Variants in AHCYL2 observed in about 807,000 individuals in gnomAD.
The protein encoded by AHCYL2 is S-adenosylhomocysteine hydrolase-like protein 2.
Under a neutral mutation model 81.4 loss-of-function variants are expected in AHCYL2, and 28 were observed. The ratio of observed to expected loss-of-function variants is 0.34; its 90% CI spans 0.25 to 0.47. AHCYL2 has a LOEUF of 0.47. Ranked by LOEUF, AHCYL2 falls within the 20% of genes least tolerant of loss-of-function variation. AHCYL2 has a pLI of 1.00. For synonymous variants in AHCYL2, 272 were observed against 290.2 expected (o/e 0.94, Z 0.64); for missense variants, 551 against 785.1 (o/e 0.70, Z 3.56).
chr7:129,349,700 A>G (rs184870385), intron 1 of AHCYL2, among the ~76,000 whole-genome samples: 141 of 151,844 alleles, frequency 9.3e-4, no homozygotes, highest in African/African-American at 3.0e-3. Flanking sequence ...TCCATATAGA[A>G]CAGCCATGGT....
chr7:129,247,326 G>T (rs1440503764), intron 1 of AHCYL2, among the ~76,000 whole-genome samples: 3 of 152,210 alleles, frequency 2.0e-5, no homozygotes, highest in African/African-American at 7.2e-5. Flanking sequence ...CATGACTAAT[G>T]ATGTTGAGCA....
chr7:129,347,172 C>T (rs764898432), intron 1 of AHCYL2, among the ~76,000 whole-genome samples: 2 of 151,916 alleles, frequency 1.3e-5, no homozygotes, highest in African/African-American at 2.4e-5. Flanking sequence ...TTTTTAGGGC[C>T]GTGAAATCAT....
In AHCYL2 at chr7:129,362,604, T is replaced by G. The variant is rs933742618; in HGVS notation, c.364-17034T>G. Reference sequence around the variant, plus strand: ...ATAGTTATTGGTTTTCTTGTTTTTTTTTTTTTTTTTTTTTTTTTTTATGGT... The same window carrying G: ...ATAGTTATTGGTTTTCTTGTTTTTTGTTTTTTTTTTTTTTTTTTTTATGGT... On this transcript the variant is annotated intron_variant, in intron 1 of 16. Coordinates refer to ENST00000325006, the MANE Select transcript of AHCYL2 (RefSeq NM_015328.4). Among the ~76,000 whole-genome samples, 122 of 143,690 alleles carry G rather than the reference T, an allele frequency of 8.5e-4. 1 individual carries two copies. The highest frequency in any genetic ancestry group is 2.7e-3 in the African/African-American group (105 of 39,052). 94.3% of individuals were successfully genotyped at this position (143,690 alleles called of 152,430 possible). A position where few individuals can be genotyped will look rare whatever the true frequency, so the allele number is the denominator to read the frequency against.
chr7:129,263,589 G>A (rs556292504), intron 1 of AHCYL2, among the ~76,000 whole-genome samples: 2 of 152,208 alleles, frequency 1.3e-5, no homozygotes, highest in Non-Finnish European at 2.9e-5. Context: ...GCAGAGAAAC[G>A]AGAGACAAGA....
intron 1 of AHCYL2, among the ~76,000 whole-genome samples, chr7:129,305,714 T>C (rs1339886035): frequency 6.6e-6 from 1 of 152,252 alleles, no homozygotes; most frequent in Non-Finnish European, 1.5e-5. Context: ...TGATTTCTTA[T>C]TGATCATTAG....
chr7:129,422,806 A>G (rs1161349685), intron 12 of AHCYL2, 34 bp from the exon 13 acceptor site: 1 of 1,594,206 alleles, frequency 6.3e-7, no homozygotes, highest in Non-Finnish European at 8.6e-7. Context: ...GGGGCTTGCT[A>G]TGGCTAATGC....
At chr7:129,370,496 A>C (rs1357134684) in intron 1 of AHCYL2, among the ~76,000 whole-genome samples, 23 of 152,326 alleles carry the variant, frequency 1.5e-4, no homozygotes, top group South Asian at 6.2e-4. Context: ...CAGGAGATCA[A>C]GATCATCCTG....
At chr7:129,423,027 C>G (rs1402906903) in intron 13 of AHCYL2, 89 bp downstream of exon 13, 1 of 1,052,012 alleles carries the variant, frequency 9.5e-7, no homozygotes, top group Admixed American at 2.2e-5. Context: ...CGAATACTTT[C>G]AACTCCTCTG....
At chr7:129,345,561 TGAA>T (rs1427771437) in intron 1 of AHCYL2, among the ~76,000 whole-genome samples, 1 of 152,144 alleles carries the variant, frequency 6.6e-6, no homozygotes, top group Non-Finnish European at 1.5e-5. Context: ...GCAAAAATAA[TGAA>T]GAGAGTGAAG....
intron 1 of AHCYL2, among the ~76,000 whole-genome samples, chr7:129,269,304 G>C (rs1448531678): frequency 6.9e-6 from 1 of 145,314 alleles, no homozygotes; most frequent in South Asian, 2.2e-4. Context: ...TTTTTTTTTT[G>C]AGACAGAGTC....
At chr7:129,273,452 C>T (rs1056314659) in intron 1 of AHCYL2, among the ~76,000 whole-genome samples, 1 of 150,400 alleles carries the variant, frequency 6.6e-6, no homozygotes, top group Non-Finnish European at 1.5e-5. Flanking sequence ...CCTCAACCTC[C>T]CTAGTATCTG....
chr7:129,331,151 T>A (rs1363947712), intron 1 of AHCYL2, among the ~76,000 whole-genome samples: 1 of 152,212 alleles, frequency 6.6e-6, no homozygotes, highest in Non-Finnish European at 1.5e-5. Context: ...ATTAAAAGAT[T>A]TGCATATTTT....
At chr7:129,255,526 T>C (rs1795385112) in intron 1 of AHCYL2, among the ~76,000 whole-genome samples, 1 of 152,218 alleles carries the variant, frequency 6.6e-6, no homozygotes, top group African/African-American at 2.4e-5. Context: ...TAATTAAAAA[T>C]AAATTTTGAA....
intron 1 of AHCYL2, among the ~76,000 whole-genome samples, chr7:129,355,095 C>T (rs1793692760): frequency 6.6e-6 from 1 of 152,162 alleles, no homozygotes; most frequent in Non-Finnish European, 1.5e-5. Flanking sequence ...GGAATACAAA[C>T]CTTCAAGAAG....
At chr7:129,233,693 C>T (rs777424357) in intron 1 of AHCYL2, among the ~76,000 whole-genome samples, 32 of 152,090 alleles carry the variant, frequency 2.1e-4, no homozygotes, top group East Asian at 5.8e-4. Context: ...TCACCGTGTT[C>T]GCCAGAATGG....
intron 1 of AHCYL2, among the ~76,000 whole-genome samples, chr7:129,228,100 T>C (rs1794292094): frequency 6.6e-6 from 1 of 152,232 alleles, no homozygotes; most frequent in Non-Finnish European, 1.5e-5. Flanking sequence ...ACTTTGACCT[T>C]GACTCCTTAC....
chr7:129,320,341 TAG>T (rs1229553823), intron 1 of AHCYL2, among the ~76,000 whole-genome samples: 2 of 152,164 alleles, frequency 1.3e-5, no homozygotes, highest in African/African-American at 2.4e-5. Context: ...TTGTTTGAGA[TAG>T]AGTCTTCTTC....
intron 1 of AHCYL2, among the ~76,000 whole-genome samples, chr7:129,231,596 A>T (rs562651303): frequency 6.6e-6 from 1 of 152,212 alleles, no homozygotes; most frequent in East Asian, 1.9e-4. Flanking sequence ...GCCCTGATCC[A>T]CTGCCCTGCT....
In AHCYL2 at chr7:129,300,278, C is replaced by A. The variant is rs184572734; in HGVS notation, c.363+74839C>A. On this transcript the variant is annotated intron_variant, in intron 1 of 16. Coordinates refer to ENST00000325006, the MANE Select transcript of AHCYL2 (RefSeq NM_015328.4). ...TTGTACCCATGAGCCATCCCCGCCT[C>A]CCCCCCAGCCTCCTCACTACCCTTC... Among the ~76,000 whole-genome samples, 335 of 152,070 alleles carry A rather than the reference C, an allele frequency of 2.2e-3. 1 individual carries two copies. Among genetic ancestry groups the A allele is most frequent in the African/African-American group, 7.2e-3 (299 of 41,494 alleles).
Sources: gnomAD v4.1 joint callset for allele counts (sites outside exome capture counted in the v4.1 genomes callset) on GRCh38, gnomAD v4.1.1 for gene constraint, MANE v1.5 for transcripts, NCBI Gene and HGNC (gene_info 2026-07-23, HGNC 2026-07-21) for gene names.